Variants in RABEP2 observed in about 807,000 individuals in gnomAD.
RABEP2 encodes the protein rabaptin, RAB GTPase binding effector protein 2, also known as rab GTPase-binding effector protein 2.
Under a neutral mutation model 74.1 loss-of-function variants are expected in RABEP2, and 57 were observed. That is an observed-to-expected ratio of 0.77 (90% CI 0.62 to 0.96). The LOEUF is 0.96. Among genes scored for constraint, RABEP2 ranks in the 40% least tolerant of loss-of-function variants. RABEP2 has a pLI of 0.00. For missense variants in RABEP2, 692 were observed against 756.3 expected, an observed-to-expected ratio of 0.91 and a Z score of 1.00; for synonymous variants, 351 against 344.0, an observed-to-expected ratio of 1.02 and a Z score of -0.23.
chr16:28,919,860 G>A lies in RABEP2; in HGVS notation c.358C>T (p.Arg120Trp), dbSNP rs750912904. 12 of 1,611,846 alleles carry A rather than the reference G, an allele frequency of 7.4e-6. No individual in the cohort carries two copies. Among genetic ancestry groups the A allele is most frequent in the Non-Finnish European group, 8.5e-6 (10 of 1,179,028 alleles). Residue 120 changes from arginine to tryptophan, a missense_variant, in exon 3 of 13, where the codon CGG becomes TGG. By Grantham distance (101) the Arg-to-Trp change is moderately radical (BLOSUM62 -3). Coordinates refer to ENST00000358201, the MANE Select transcript of RABEP2 (RefSeq NM_024816.3). The stretch of plus-strand genomic sequence containing the variant: ...AGCTGCTTCAGGCGGCCCAGCTCCC[G>A]CTCCTTCTCCTCACAGTCCTGCTGC... ...QQQQDCEEKE[R>W]ELGRLKQLLS...
In RABEP2 at chr16:28,908,784, A is replaced by G. The variant is rs1964271889; in HGVS notation, c.1090-20T>C. ...CTCCGCCTATGGACAGACAGTTAGT[A>G]TAAGGCAATGAAGAGGACAGGGCGT... On this transcript the variant is annotated intron_variant, in intron 7 of 12. Coordinates refer to ENST00000358201, the MANE Select transcript of RABEP2 (RefSeq NM_024816.3). 3 of 1,612,068 alleles carry G rather than the reference A, an allele frequency of 1.9e-6. No homozygotes were observed. The highest frequency in any genetic ancestry group is 2.5e-6 in the Non-Finnish European group (3 of 1,178,908).
chr16:28,911,062 T>C (rs1964305732), intron 6 of RABEP2, 22 bp downstream of exon 6: 2 of 1,612,206 alleles, frequency 1.2e-6, no homozygotes, highest in Non-Finnish European at 1.7e-6. Flanking sequence ...CGGCTGGGGC[T>C]GCAGCAGCGG....
chr16:28,913,713 G>A (rs1053155004), intron 5 of RABEP2, among the ~76,000 whole-genome samples: 4 of 151,332 alleles, frequency 2.6e-5, no homozygotes. Context: ...CTGACCTCAG[G>A]TGATCCACCC....
chr16:28,925,133 C>T lies in RABEP2; in HGVS notation c.31G>A (p.Asp11Asn). Reference sequence around the variant, plus strand: ...CCCGGCCGCCGCCGCCGCTCATCGTCGTCCGCGGCCACCGGCGCAGCTGCC... The same window carrying T: ...CCCGGCCGCCGCCGCCGCTCATCGTTGTCCGCGGCCACCGGCGCAGCTGCC... MAAAAPVAAD[D>N]DERRRRPGAA... The change falls in exon 1 of 13, where the codon GAC becomes AAC. Residue 11 changes from aspartate to asparagine, a missense_variant. Physicochemically the swap from Asp to Asn is conservative, Grantham distance 23. Coordinates refer to ENST00000358201, the MANE Select transcript of RABEP2 (RefSeq NM_024816.3). 3 of 1,534,380 alleles carry T rather than the reference C, an allele frequency of 2.0e-6. No individual in the cohort carries two copies. The South Asian group carries it at 3.6e-5, about 18-fold the overall frequency.
At chr16:28,920,025 C>CACT in intron 2 of RABEP2, 82 bp from the exon 3 acceptor site, 1 of 1,399,436 alleles carries the variant, frequency 7.1e-7, no homozygotes, top group South Asian at 1.5e-5. Flanking sequence ...ACTCTTGATG[C>CACT]ACTGACTCTT....
At position 28,924,414 on chromosome 16, in the gene RABEP2, G is replaced by A; in HGVS notation, c.263C>T (p.Ala88Val). The change falls in exon 2 of 13, where the codon GCC becomes GTC. Residue 88 changes from alanine to valine, a missense_variant. Ala to Val is a moderately conservative substitution (Grantham distance 64). Transcript: ENST00000358201. ...GTCCCGCGTCTCACCTTTCAGGATG[G>A]CCTGCAGCGAGGCCACCTCCTCTTG... The part of the protein sequence containing the change: ...QCQEEVASLQ[A>V]ILKDSISSYE... 1 of 1,612,466 alleles carries A rather than the reference G, an allele frequency of 6.2e-7. No homozygotes were observed. Among genetic ancestry groups the A allele is most frequent in the Non-Finnish European group, 8.5e-7 (1 of 1,179,966 alleles).
chr16:28,915,035 A>C (rs1596700600), intron 3 of RABEP2, among the ~76,000 whole-genome samples: 1 of 141,796 alleles, frequency 7.1e-6, no homozygotes, highest in Non-Finnish European at 1.5e-5. Flanking sequence ...CTTCTCCAAC[A>C]TCCATTTTTT....
At chr16:28,916,789 G>T (rs1307590017) in intron 3 of RABEP2, among the ~76,000 whole-genome samples, 1 of 151,360 alleles carries the variant, frequency 6.6e-6, no homozygotes, top group East Asian at 1.9e-4. Context: ...TTCAAGACCA[G>T]ACTGGCCAAC....
At chr16:28,907,309 A>C (rs1160719246) in intron 8 of RABEP2, among the ~76,000 whole-genome samples, 3 of 151,832 alleles carry the variant, frequency 2.0e-5, no homozygotes, top group African/African-American at 7.3e-5. Context: ...GGTGGAGGCC[A>C]CCACACCTGG....
intron 3 of RABEP2, among the ~76,000 whole-genome samples, chr16:28,916,634 T>C (rs186154698): frequency 0.026 from 3,569 of 139,206 alleles, 69 homozygotes; most frequent in Admixed American, 0.049. Flanking sequence ...ATCACGTCAC[T>C]GCACTCCAGC....
chr16:28,905,716 C>T lies in RABEP2; in HGVS notation c.1479G>A (p.Gln493=). Residue 493 remains glutamine (Q), a synonymous_variant, in exon 11 of 13, where the codon CAG becomes CAA. Transcript: ENST00000358201. ...SLRTEMERVQ[Q]EQSKAQLPDL... ...CCCTCCCCCTCACCTTGCTCTGTTC[C>T]TGCTGCACCCGCTCCATCTCTGTCC... 1 of 1,613,978 alleles carries T rather than the reference C, an allele frequency of 6.2e-7. No homozygotes were observed.
intron 8 of RABEP2, among the ~76,000 whole-genome samples, chr16:28,906,425 G>A (rs62037412): frequency 0.31 from 46,624 of 152,106 alleles, 7,625 homozygotes; most frequent in Middle Eastern, 0.39. Flanking sequence ...ACCGTGGAGA[G>A]CGCTCAGGAA....
At chr16:28,905,157 T>C (rs1964205324) in intron 12 of RABEP2, 113 bp from the exon 13 acceptor site, 1 of 860,996 alleles carries the variant, frequency 1.2e-6, no homozygotes, top group Non-Finnish European at 1.8e-6. Flanking sequence ...GGGCCACCTC[T>C]AGGGGGCTGA....
intron 5 of RABEP2, among the ~76,000 whole-genome samples, chr16:28,913,778 CT>C (rs1163826105): frequency 0.041 from 4,918 of 120,456 alleles, 224 homozygotes; most frequent in African/African-American, 0.14. Flanking sequence ...CACCCGGCCT[CT>C]TTTTTTTTTT....
At chr16:28,911,955 A>T (rs1329866264) in intron 5 of RABEP2, among the ~76,000 whole-genome samples, 1 of 151,380 alleles carries the variant, frequency 6.6e-6, no homozygotes, top group Non-Finnish European at 1.5e-5. Flanking sequence ...TCTTAAAAAA[A>T]GTGGATTCCA....
chr16:28,914,190 C>G (rs1964352309), intron 5 of RABEP2, 46 bp downstream of exon 5: 1 of 1,476,522 alleles, frequency 6.8e-7, no homozygotes. Context: ...AAGCATCCAG[C>G]AGAGAGGGGG....
At chr16:28,907,714 T>G (rs772821473) in intron 8 of RABEP2, among the ~76,000 whole-genome samples, 5 of 152,206 alleles carry the variant, frequency 3.3e-5, no homozygotes, top group Admixed American at 2.6e-4. Flanking sequence ...CTTGGCTCAC[T>G]GCAACTTCTG....
intron 8 of RABEP2, among the ~76,000 whole-genome samples, chr16:28,907,612 T>C (rs1180733841): frequency 3.9e-5 from 6 of 152,066 alleles, no homozygotes; most frequent in African/African-American, 1.4e-4. Context: ...AAGTGATCTA[T>C]TTCTAATCAA....
At chr16:28,924,981 C>A (rs1474441931) in intron 1 of RABEP2, 122 bp downstream of exon 1, 1 of 1,170,736 alleles carries the variant, frequency 8.5e-7, no homozygotes, top group Non-Finnish European at 1.2e-6. Context: ...CGCCCCCTTT[C>A]CCGACGGCGT....
Sources: allele counts gnomAD v4.1 joint callset (sites outside exome capture counted in the v4.1 genomes callset), GRCh38; gene constraint gnomAD v4.1.1; transcripts MANE v1.5; gene names NCBI Gene and HGNC (gene_info 2026-07-23, HGNC 2026-07-21).